SLC2A9: variants seen among roughly 807,000 people sequenced by gnomAD.
SLC2A9 encodes the protein solute carrier family 2 member 9, also known as solute carrier family 2, facilitated glucose transporter member 9.
A neutral mutation model predicts 50.6 loss-of-function variants in SLC2A9; 39 were observed. The ratio of observed to expected loss-of-function variants is 0.77; its 90% CI spans 0.60 to 1.01. The LOEUF is 1.01. SLC2A9 is among the 50% of genes least tolerant of loss of function. The probability of loss-of-function intolerance (pLI) is 0.00; values close to 1 mark genes in which losing one functional copy is unlikely to be tolerated. For synonymous variants in SLC2A9, 324 were observed against 276.9 expected (o/e 1.17, Z -1.69); for missense variants, 686 against 677.6 (o/e 1.01, Z -0.14).
Position 9,799,692 on chromosome 4 carries a change from A to ACCCCCCCCCC in SLC2A9, n.421-461_421-452dup, listed in dbSNP as rs57223650. The stretch of plus-strand genomic sequence containing the variant: ...GCTTTCTGAGCTCCATTCCAATTGT[A>ACCCCCCCCCC]CCCCCCCCCCACCCAACTTCTACAC... On this transcript the variant is annotated intron_variant and non_coding_transcript_variant, in intron 3 of 3. Transcript: ENST00000503280. Among the ~76,000 whole-genome samples the ACCCCCCCCCC allele has an allele frequency of 5.6e-3, 390 of 69,796 alleles. 4 individuals are homozygous for ACCCCCCCCCC. Among genetic ancestry groups the ACCCCCCCCCC allele is most frequent in the East Asian group, 0.012 (25 of 2,062 alleles). 45.8% of individuals were successfully genotyped at this position (69,796 alleles called of 152,430 possible).
At chr4:9,787,018 C>G (rs774520627) in intron 3 of SLC2A9, among the ~76,000 whole-genome samples, 93 of 152,348 alleles carry the variant, frequency 6.1e-4, no homozygotes, top group Non-Finnish European at 1.2e-3. Flanking sequence ...GGCTACCTGC[C>G]TGAGATTGGA....
chr4:10,022,556 T>C (rs560927655), upstream of SLC2A9, among the ~76,000 whole-genome samples: 2 of 152,320 alleles, frequency 1.3e-5, no homozygotes, highest in African/African-American at 2.4e-5. Context: ...CCTTCAATTT[T>C]GGCTAGAACA....
At chr4:10,022,663 G>T (rs994145563), upstream of SLC2A9, among the ~76,000 whole-genome samples, 7 of 152,250 alleles carry the variant, frequency 4.6e-5, no homozygotes, top group African/African-American at 1.4e-4. Flanking sequence ...GTAGGGCTCA[G>T]TCCACAAAAG....
intron 6 of SLC2A9, among the ~76,000 whole-genome samples, chr4:9,933,610 G>A (rs77862592): frequency 2.0e-5 from 3 of 152,212 alleles, no homozygotes; most frequent in East Asian, 3.9e-4. Flanking sequence ...TAGACTTTAG[G>A]GGGGTGAGGA....
At chr4:9,799,587 T>TAG (rs1721050810) in intron 3 of SLC2A9, among the ~76,000 whole-genome samples, 1 of 151,912 alleles carries the variant, frequency 6.6e-6, no homozygotes, top group Non-Finnish European at 1.5e-5. Context: ...GACACAGACA[T>TAG]TCAGACCATA....
chr4:9,917,005 G>A (rs1228828794), intron 7 of SLC2A9, among the ~76,000 whole-genome samples: 1 of 152,172 alleles, frequency 6.6e-6, no homozygotes, highest in African/African-American at 2.4e-5. Context: ...CAGGTGAGGG[G>A]AGCACAGTGG....
chr4:9,959,075 G>C (rs80180400), intron 5 of SLC2A9, among the ~76,000 whole-genome samples: 2,112 of 152,232 alleles, frequency 0.014, 62 homozygotes, highest in East Asian at 0.11. Context: ...TGGTAGGTTA[G>C]AGAAGGGGAA....
intron 3 of SLC2A9, chr4:9,783,495 A>G (rs769490992): frequency 6.4e-7 from 1 of 1,563,528 alleles, no homozygotes; most frequent in South Asian, 1.2e-5. Context: ...ATGGATCTGC[A>G]TAACCGCACA....
chr4:9,920,700 G>A (rs1012366723), intron 6 of SLC2A9, 128 bp from the exon 7 acceptor site: 25 of 1,082,208 alleles, frequency 2.3e-5, no homozygotes, highest in Admixed American at 1.4e-4. Flanking sequence ...ACTTGGCAGG[G>A]GCCTTTGAAA....
rs562066075 is a variant in SLC2A9 at position 9,935,362 on chromosome 4, G to A, written c.814+6551C>T. Among the ~76,000 whole-genome samples the A allele has an allele frequency of 1.4e-4, 21 of 152,332 alleles. No homozygotes were observed. The Middle Eastern group carries it at 0.01, about 74-fold the overall frequency. ...GCTGTCTCACTGTCCCTCGGAGGGG[G>A]AGCAATGACACTTACAACCACCTGC... On this transcript the variant is annotated intron_variant, in intron 6 of 11. Transcript: ENST00000264784.
chr4:9,852,240 C>T (rs1174864461), intron 10 of SLC2A9, among the ~76,000 whole-genome samples: 1 of 137,662 alleles, frequency 7.3e-6, no homozygotes, highest in Non-Finnish European at 1.5e-5. Flanking sequence ...GGCCTATATC[C>T]AGTATTCTTT....
At chr4:9,845,166 A>G (rs1728751806) in intron 10 of SLC2A9, among the ~76,000 whole-genome samples, 1 of 151,730 alleles carries the variant, frequency 6.6e-6, no homozygotes, top group African/African-American at 2.4e-5. Context: ...GGTGCCCGCC[A>G]CCACACATGG....
At chr4:9,863,531 TGCATTAAA>T (rs1731981383) in intron 10 of SLC2A9, among the ~76,000 whole-genome samples, 1 of 152,148 alleles carries the variant, frequency 6.6e-6, no homozygotes, top group Non-Finnish European at 1.5e-5. Flanking sequence ...CAGAAAATCC[TGCATTAAA>T]GCACATGCAT....
intron 1 of SLC2A9, among the ~76,000 whole-genome samples, chr4:10,029,866 C>G (rs954990946): frequency 2.4e-4 from 36 of 151,950 alleles, no homozygotes; most frequent in Non-Finnish European, 4.6e-4. Context: ...GAACTCCTGA[C>G]CTCAGGTGAT....
downstream of SLC2A9, among the ~76,000 whole-genome samples, chr4:9,775,807 C>T (rs1031204236): frequency 4.6e-5 from 7 of 152,196 alleles, no homozygotes; most frequent in African/African-American, 1.4e-4. Context: ...TATAAATTAC[C>T]TTGTCTCAGA....
At chr4:9,971,726 C>T (rs1384668408) in intron 5 of SLC2A9, among the ~76,000 whole-genome samples, 1 of 152,132 alleles carries the variant, frequency 6.6e-6, no homozygotes, top group South Asian at 2.1e-4. Flanking sequence ...AAAATAAAGT[C>T]ACCTGTGTTA....
intron 6 of SLC2A9, among the ~76,000 whole-genome samples, chr4:9,924,940 C>T (rs549810434): frequency 1.3e-5 from 2 of 152,308 alleles, no homozygotes; most frequent in African/African-American, 4.8e-5. Context: ...GCTCATTATC[C>T]CCAGGCTAAT....
At chr4:10,011,727 C>G (rs914905606) in intron 2 of SLC2A9, among the ~76,000 whole-genome samples, 1 of 152,142 alleles carries the variant, frequency 6.6e-6, no homozygotes, top group African/African-American at 2.4e-5. Flanking sequence ...CCAATTGGAG[C>G]TAGTCACTGG....
At chr4:9,952,378 C>T (rs891629645) in intron 5 of SLC2A9, among the ~76,000 whole-genome samples, 1 of 152,124 alleles carries the variant, frequency 6.6e-6, no homozygotes. Flanking sequence ...GTGGCACCTT[C>T]CCTAGCCTTA....
Sources: gnomAD v4.1 joint callset for allele counts (sites outside exome capture counted in the v4.1 genomes callset) on GRCh38, gnomAD v4.1.1 for gene constraint, MANE v1.5 for transcripts, NCBI Gene and HGNC (gene_info 2026-07-23, HGNC 2026-07-21) for gene names.